TMEM8B: variants seen among roughly 807,000 people sequenced by gnomAD.
The protein encoded by TMEM8B is nasopharyngeal carcinoma expressed 6.
TMEM8B carries 29 observed loss-of-function variants against 49.3 expected under a neutral mutation model. The ratio of observed to expected loss-of-function variants is 0.59; its 90% CI spans 0.44 to 0.80. The LOEUF (loss-of-function observed/expected upper bound fraction) is 0.80. Among genes scored for constraint, TMEM8B ranks in the 30% least tolerant of loss-of-function variants. The pLI is 0.00. For synonymous variants in TMEM8B, 264 were observed against 272.8 expected (o/e 0.97, Z 0.32); for missense variants, 575 against 658.5 (o/e 0.87, Z 1.39).
intron 10 of TMEM8B, among the ~76,000 whole-genome samples, chr9:35,849,217 A>G (rs78204129): frequency 0.03 from 4,566 of 152,302 alleles, 211 homozygotes; most frequent in African/African-American, 0.099. Flanking sequence ...GACAGGAGAT[A>G]ACAGTCCTCT....
chr9:35,846,430 G>GT, intron 8 of TMEM8B, 39 bp from the exon 9 acceptor site: 3 of 1,598,982 alleles, frequency 1.9e-6, no homozygotes, highest in Non-Finnish European at 2.6e-6. Context: ...CTTGGCGGGG[G>GT]TGGCCCGGGG....
chr9:35,852,086 T>C (rs1832190650), intron 10 of TMEM8B, among the ~76,000 whole-genome samples: 1 of 152,198 alleles, frequency 6.6e-6, no homozygotes, highest in African/African-American at 2.4e-5. Flanking sequence ...AGGGAGCTAA[T>C]GGCAGACTTT....
Position 35,853,434 on chromosome 9 carries a change from T to C in TMEM8B, c.2440-71T>C, listed in dbSNP as rs1030718946. On this transcript the variant is annotated intron_variant, in intron 12 of 12. Coordinates refer to ENST00000643932, the MANE Select transcript of TMEM8B (RefSeq NM_001042590.4). This position sits in a 1 kb window ranked among gnomAD's most constrained non-coding sequence, Gnocchi z 4.2. ...TCACAACCAGGATACAGAGGAAACC[T>C]GAGAGTGACCAGCTCTGGCTTGGGT... is the stretch of plus-strand genomic sequence containing the variant. 6.4e-7 allele frequency: 1 copy of C among 1,554,060 alleles called. No homozygotes were observed. Among genetic ancestry groups the C allele is most frequent in the Non-Finnish European group, 8.7e-7 (1 of 1,152,930 alleles).
At position 35,854,398 on chromosome 9, in the gene TMEM8B, CTG is replaced by C. The variant is rs1365295768; in HGVS notation, c.*564_*565del. ...TATCCTCGTTTGATACAGGTGGAGT[CTG>C]TGTGTCTCCAGTGATTGATTGGTTC... On this transcript the variant is annotated 3_prime_UTR_variant, in exon 13 of 13. Transcript: ENST00000643932. The C allele has an allele frequency of 6.5e-6, 1 of 153,248 alleles. No homozygotes were observed. 9.5% of individuals were successfully genotyped at this position (153,248 alleles called of 1,614,324 possible). A position where few individuals can be genotyped will look rare whatever the true frequency, so the allele number is the denominator to read the frequency against.
At chr9:35,845,892 G>A in intron 6 of TMEM8B, 83 bp from the exon 7 acceptor site, 1 of 1,607,234 alleles carries the variant, frequency 6.2e-7, no homozygotes, top group South Asian at 1.1e-5. Flanking sequence ...GAAGGTGTGG[G>A]TTAACAGGGG....
intron 3 of TMEM8B, chr9:35,835,461 G>A (rs964503440): frequency 2.5e-5 from 9 of 365,254 alleles, no homozygotes; most frequent in African/African-American, 1.9e-4. Context: ...AGGGAAAGTT[G>A]AGAATCTGGA....
chr9:35,835,266 C>T (rs1830330282), intron 3 of TMEM8B, 48 bp downstream of exon 3: 1 of 413,532 alleles, frequency 2.4e-6, no homozygotes, highest in Non-Finnish European at 4.4e-6. Context: ...GCCCTTCCAT[C>T]TCTGCTGAAT....
At chr9:35,848,687 T>TC (rs1831859388) in intron 10 of TMEM8B, among the ~76,000 whole-genome samples, 1 of 150,498 alleles carries the variant, frequency 6.6e-6, no homozygotes, top group African/African-American at 2.4e-5. Flanking sequence ...TTTTTTTTTT[T>TC]TTTTTGAGAC....
rs1214515134 is a variant in TMEM8B, at chr9:35,862,773, C to T, written c.*8933C>T. On this transcript the variant is annotated 3_prime_UTR_variant, in exon 13 of 13. Coordinates refer to ENST00000643932, the MANE Select transcript of TMEM8B (RefSeq NM_001042590.4). ...CAGATGGCTTCATAAAACTGACCACCCGGACAACAAGATGGTCACACAGCT... is the reference window on the plus strand; with the variant it reads ...CAGATGGCTTCATAAAACTGACCACTCGGACAACAAGATGGTCACACAGCT... 1 of 152,242 alleles carries T rather than the reference C, an allele frequency of 6.6e-6. No individual in the cohort carries two copies. Among genetic ancestry groups the T allele is most frequent in the Non-Finnish European group, 1.5e-5 (1 of 68,066 alleles). The allele number at this position is 152,242 out of a possible 1,614,324, so 9.4% of individuals were successfully genotyped here. A position where few individuals can be genotyped will look rare whatever the true frequency, so the allele number is the denominator to read the frequency against.
At chr9:35,837,247 C>T (rs1830525886) in intron 3 of TMEM8B, among the ~76,000 whole-genome samples, 1 of 152,108 alleles carries the variant, frequency 6.6e-6, no homozygotes, top group East Asian at 1.9e-4. Flanking sequence ...AGCCTTAGTC[C>T]TTTAGTACCT....
chr9:35,834,439 TTCTC>T lies in TMEM8B; in HGVS notation c.509-15_509-12del, dbSNP rs1830238587. 1 of 414,062 alleles carries T rather than the reference TTCTC, an allele frequency of 2.4e-6. No homozygotes were observed. The allele number at this position is 414,062 out of a possible 1,614,324, so 25.6% of individuals were successfully genotyped here. A position where few individuals can be genotyped will look rare whatever the true frequency, so the allele number is the denominator to read the frequency against. ...ATGCCCTCTGTCCTGCCCTGCTCCT[TTCTC>T]TCTCTCCTGCTTCCCAGGAGGCCTT... On this transcript the variant is annotated intron_variant, in intron 1 of 12. Coordinates refer to ENST00000643932, the MANE Select transcript of TMEM8B (RefSeq NM_001042590.4).
chr9:35,852,950 C>A lies in TMEM8B; in HGVS notation c.2299C>A (p.Arg767Ser), dbSNP rs762333081. ...SVWVTVIAMARLQPVVKQVLY... is the reference protein window; with the variant it reads ...SVWVTVIAMASLQPVVKQVLY... The stretch of plus-strand genomic sequence containing the variant: ...GTGGGTCACTGTCATTGCCATGGCT[C>A]GTTTACAGCCCGTGGTCAAGCAGGT... Residue 767 changes from arginine to serine, a missense_variant, in exon 11 of 13, where the codon CGT (arginine) becomes AGT (serine). Physicochemically the swap from Arg to Ser is moderately radical, Grantham distance 110 (BLOSUM62 -1). Coordinates refer to ENST00000643932, the MANE Select transcript of TMEM8B (RefSeq NM_001042590.4). 4 of 1,614,024 alleles carry A rather than the reference C, an allele frequency of 2.5e-6. No homozygotes were observed. The highest frequency in any genetic ancestry group is 3.4e-6 in the Non-Finnish European group (4 of 1,180,026).
chr9:35,831,118 G>A (rs556735570), intron 1 of TMEM8B, among the ~76,000 whole-genome samples: 7 of 152,332 alleles, frequency 4.6e-5, no homozygotes, highest in African/African-American at 1.4e-4. Flanking sequence ...ACGAATGCAC[G>A]TGAAAGGTCA....
intron 6 of TMEM8B, among the ~76,000 whole-genome samples, chr9:35,843,423 C>T (rs570430457): frequency 5.5e-4 from 84 of 152,322 alleles, no homozygotes; most frequent in African/African-American, 2.0e-3. Context: ...TCTTAGGGGT[C>T]TTGGTATTTG....
intron 3 of TMEM8B, among the ~76,000 whole-genome samples, chr9:35,839,846 C>A (rs911366606): frequency 2.0e-5 from 3 of 152,180 alleles, no homozygotes; most frequent in Non-Finnish European, 4.4e-5. Flanking sequence ...CTTTTTGACA[C>A]CCATTCTTTA....
chr9:35,864,891 C>G lies in TMEM8B; in HGVS notation c.*11051C>G, dbSNP rs972610917. 1 of 152,236 alleles carries G rather than the reference C, an allele frequency of 6.6e-6. No homozygotes were observed. The highest frequency in any genetic ancestry group is 1.5e-5 in the Non-Finnish European group (1 of 68,092). The allele number at this position is 152,236 out of a possible 1,614,324, so 9.4% of individuals were successfully genotyped here. A position where few individuals can be genotyped will look rare whatever the true frequency, so the allele number is the denominator to read the frequency against. ...GCACGGTGCTGGGATGGGCTAGGTT[C>G]CCCGCACCTCGCCCTGCCACTGCCT... On this transcript the variant is annotated 3_prime_UTR_variant, in exon 13 of 13. Transcript: ENST00000643932.
In TMEM8B at chr9:35,842,975, T is replaced by C. The variant is rs1460081726; in HGVS notation, c.1635+258T>C. 6.6e-6 allele frequency among the ~76,000 whole-genome samples: 1 copy of C among 152,246 alleles called. No individual in the cohort carries two copies. The highest frequency in any genetic ancestry group is 2.4e-5 in the African/African-American group (1 of 41,458). ...GTTTTGTAGGCTCACTTCCTGCTCATTACTGGCCTTTCACTACGGTAGTTG... is the reference window on the plus strand; with the variant it reads ...GTTTTGTAGGCTCACTTCCTGCTCACTACTGGCCTTTCACTACGGTAGTTG... On this transcript the variant is annotated intron_variant, in intron 6 of 12. Transcript: ENST00000643932. This position sits in a 1 kb window ranked among gnomAD's most constrained non-coding sequence, Gnocchi z 5.6.
Position 35,853,647 on chromosome 9 carries a change from T to C in TMEM8B, c.2582T>C (p.Ile861Thr). The C allele has an allele frequency of 1.2e-6, 2 of 1,614,204 alleles. No individual in the cohort carries two copies. The highest frequency in any genetic ancestry group is 2.7e-5 in the African/African-American group (2 of 75,058). ...GAGACCCGGGACAACTACTTCTACA[T>C]TCACAGCATTTGGCATATGCTCATT... ...FVETRDNYFY[I>T]HSIWHMLIAG... The change falls in exon 13 of 13, where the codon ATT becomes ACT. Residue 861 changes from isoleucine to threonine, a missense_variant. By Grantham distance (89) the Ile-to-Thr change is moderately conservative. Transcript: ENST00000643932. The surrounding 1 kb of genome is among the most constrained non-coding windows in gnomAD (Gnocchi z 4.2).
chr9:35,853,411 A>G lies in TMEM8B; in HGVS notation c.2440-94A>G. The G allele has an allele frequency of 6.6e-7, 1 of 1,525,148 alleles. No homozygotes were observed. Among genetic ancestry groups the G allele is most frequent in the Admixed American group, 1.9e-5 (1 of 52,910 alleles). 94.5% of individuals were successfully genotyped at this position (1,525,148 alleles called of 1,614,324 possible). Reference sequence around the variant, plus strand: ...CAGTCTTGGCAGGTGTCTTTAGGTCACAACCAGGATACAGAGGAAACCTGA... The same window carrying G: ...CAGTCTTGGCAGGTGTCTTTAGGTCGCAACCAGGATACAGAGGAAACCTGA... On this transcript the variant is annotated intron_variant, in intron 12 of 12. Coordinates refer to ENST00000643932, the MANE Select transcript of TMEM8B (RefSeq NM_001042590.4). The surrounding 1 kb of genome is among the most constrained non-coding windows in gnomAD (Gnocchi z 4.2).
Sources: gnomAD v4.1 joint callset for allele counts (sites outside exome capture counted in the v4.1 genomes callset) on GRCh38, gnomAD v4.1.1 for gene constraint, Gnocchi (gnomAD v3.1) non-coding constraint, MANE v1.5 for transcripts, NCBI Gene and HGNC (gene_info 2026-07-23, HGNC 2026-07-21) for gene names.